COL27A1: variants seen among roughly 807,000 people sequenced by gnomAD.
COL27A1 encodes collagen type XXVII alpha 1 chain.
In COL27A1, 106 loss-of-function variants were observed where a neutral mutation model predicts 251.3. The ratio of observed to expected loss-of-function variants is 0.42; its 90% CI spans 0.36 to 0.50. The LOEUF is 0.50. Ranked by LOEUF, COL27A1 falls within the 20% of genes least tolerant of loss-of-function variation. The pLI is 0.00. For synonymous variants in COL27A1, 1,000 were observed against 986.3 expected (o/e 1.01, Z -0.26); for missense variants, 2,325 against 2,522.8 (o/e 0.92, Z 1.68).
intron 5 of COL27A1, among the ~76,000 whole-genome samples, chr9:114,183,862 A>C (rs1828132065): frequency 6.6e-6 from 1 of 152,134 alleles, no homozygotes; most frequent in African/African-American, 2.4e-5. Context: ...ATGAGACCTT[A>C]GTGGCTGATG....
chr9:114,228,535 C>A (rs948338096), intron 14 of COL27A1, among the ~76,000 whole-genome samples: 2 of 152,210 alleles, frequency 1.3e-5, no homozygotes, highest in Admixed American at 6.5e-5. Flanking sequence ...CTCAGAATGG[C>A]CTAGAAGCTC....
chr9:114,256,846 C>G (rs1163075007), intron 27 of COL27A1, among the ~76,000 whole-genome samples: 1 of 152,226 alleles, frequency 6.6e-6, no homozygotes, highest in South Asian at 2.1e-4. Context: ...TTTCAGCACT[C>G]TATGCCTTGA....
At chr9:114,173,902 G>T (rs1849506434) in intron 3 of COL27A1, among the ~76,000 whole-genome samples, 1 of 152,002 alleles carries the variant, frequency 6.6e-6, no homozygotes, top group South Asian at 2.1e-4. Context: ...GTGGAGCAGG[G>T]ACAGCAGGGA....
intron 59 of COL27A1, among the ~76,000 whole-genome samples, chr9:114,308,126 C>G (rs1017211340): frequency 6.6e-5 from 10 of 152,242 alleles, no homozygotes; most frequent in African/African-American, 1.9e-4. Context: ...TGATGCTCAT[C>G]TGAAGCATGT....
intron 49 of COL27A1, among the ~76,000 whole-genome samples, chr9:114,298,134 T>TAA (rs35546102): frequency 1.4e-5 from 2 of 141,106 alleles, no homozygotes; most frequent in South Asian, 2.2e-4. Flanking sequence ...GACCCCATCT[T>TAA]AAAAAAAAAA....
At chr9:114,276,639 A>T (rs1835527684) in intron 37 of COL27A1, among the ~76,000 whole-genome samples, 1 of 152,224 alleles carries the variant, frequency 6.6e-6, no homozygotes, top group Non-Finnish European at 1.5e-5. Flanking sequence ...CAACAAAACC[A>T]GTACCTGACA....
Position 114,155,877 on chromosome 9 carries a change from C to CG in COL27A1, c.-68dup. 4 of 1,090,388 alleles carry CG rather than the reference C, an allele frequency of 3.7e-6. No homozygotes were observed. Among genetic ancestry groups the CG allele is most frequent in the African/African-American group, 1.7e-5 (1 of 59,556 alleles). 67.5% of individuals were successfully genotyped at this position (1,090,388 alleles called of 1,614,324 possible). ...TCTAAGCCGGCCTGGCGCGGCGGGGCGGGGGGCTGGCGGCCCCATGGGGCG... is the reference window on the plus strand; with the variant it reads ...TCTAAGCCGGCCTGGCGCGGCGGGGCGGGGGGGCTGGCGGCCCCATGGGGCG... On this transcript the variant is annotated 5_prime_UTR_variant, in exon 1 of 61. Transcript: ENST00000356083. This position sits in a 1 kb window ranked among gnomAD's most constrained non-coding sequence, Gnocchi z 5.5.
intron 45 of COL27A1, among the ~76,000 whole-genome samples, chr9:114,289,505 A>T (rs1163890244): frequency 6.6e-6 from 1 of 152,130 alleles, no homozygotes; most frequent in Non-Finnish European, 1.5e-5. Flanking sequence ...GCCCCATTTC[A>T]CTGGGGCTCC....
At chr9:114,159,324 A>C (rs1272324923) in intron 1 of COL27A1, among the ~76,000 whole-genome samples, 1 of 152,124 alleles carries the variant, frequency 6.6e-6, no homozygotes, top group Non-Finnish European at 1.5e-5. Context: ...TAGCCAGGGA[A>C]ACTGACCGAG....
chr9:114,165,649 T>TATCCATCCATCC (rs58004565), intron 2 of COL27A1, among the ~76,000 whole-genome samples: 26 of 136,572 alleles, frequency 1.9e-4, no homozygotes, highest in African/African-American at 6.6e-4. Context: ...TCCATCCATT[T>TATCCATCCATCC]ATCCATCCAT....
Position 114,195,711 on chromosome 9 carries a change from G to A in COL27A1, c.2071-248G>A, listed in dbSNP as rs369657707. 5.7e-4 allele frequency among the ~76,000 whole-genome samples: 87 copies of A among 152,340 alleles called. 1 individual carries two copies. In the South Asian group the frequency reaches 0.014, roughly 25 times the overall value. ...TATCGGAACCCATTCTTCAAGTGGT[G>A]TCTTCTGCTGAAGCCCAGTATGTAA... On this transcript the variant is annotated intron_variant, in intron 6 of 60. Transcript: ENST00000356083.
chr9:114,205,475 C>G lies in COL27A1; in HGVS notation c.2170-284C>G, dbSNP rs1431706995. On this transcript the variant is annotated intron_variant, in intron 8 of 60. Coordinates refer to ENST00000356083, the MANE Select transcript of COL27A1 (RefSeq NM_032888.4). Reference sequence around the variant, plus strand: ...CGGGGTTTGCAGGAATTTTGGCCAGCCTGGCCCAAGTGAAACAGCAGCCCT... The same window carrying G: ...CGGGGTTTGCAGGAATTTTGGCCAGGCTGGCCCAAGTGAAACAGCAGCCCT... Among the ~76,000 whole-genome samples the G allele has an allele frequency of 4.6e-5, 7 of 152,232 alleles. No individual in the cohort carries two copies. In the East Asian group the frequency reaches 1.4e-3, roughly 29 times the overall value.
At chr9:114,180,774 C>T (rs1827841734) in intron 4 of COL27A1, among the ~76,000 whole-genome samples, 1 of 152,168 alleles carries the variant, frequency 6.6e-6, no homozygotes, top group South Asian at 2.1e-4. Flanking sequence ...TAGAATTGGT[C>T]TGCTTGGCTT....
At chr9:114,308,653 C>T (rs1332519697) in intron 59 of COL27A1, among the ~76,000 whole-genome samples, 1 of 152,230 alleles carries the variant, frequency 6.6e-6, no homozygotes, top group African/African-American at 2.4e-5. Context: ...ACGCAGCAAA[C>T]CTGCCTAGCA....
chr9:114,312,006 TAATG>T lies in COL27A1; in HGVS notation c.*1312_*1315del, dbSNP rs1829479067. On this transcript the variant is annotated 3_prime_UTR_variant, in exon 61 of 61. Transcript: ENST00000356083. ...AATTTGGGTCAAGGAGACAGAATAATAATGGGAATCTCGGAGTTCGACACCATAG... is the reference window on the plus strand; with the variant it reads ...AATTTGGGTCAAGGAGACAGAATAATGGAATCTCGGAGTTCGACACCATAG... 1 of 152,226 alleles carries T rather than the reference TAATG, an allele frequency of 6.6e-6. No individual in the cohort carries two copies. Among genetic ancestry groups the T allele is most frequent in the Admixed American group, 6.5e-5 (1 of 15,288 alleles). 9.4% of individuals were successfully genotyped at this position (152,226 alleles called of 1,614,324 possible). A position where few individuals can be genotyped will look rare whatever the true frequency, so the allele number is the denominator to read the frequency against.
chr9:114,286,061 G>C lies in COL27A1; in HGVS notation c.3987+1284G>C, dbSNP rs558592360. On this transcript the variant is annotated intron_variant, in intron 41 of 60. Coordinates refer to ENST00000356083, the MANE Select transcript of COL27A1 (RefSeq NM_032888.4). ...TCACTTAGAAGGCATTATTAGATTC[G>C]TTCATTCCTCCAGCTCTCCAACAGG... Among the ~76,000 whole-genome samples the C allele has an allele frequency of 5.9e-5, 9 of 152,288 alleles. 1 individual carries two copies. The South Asian group carries it at 1.7e-3, about 28-fold the overall frequency.
At chr9:114,163,765 A>G (rs989218632) in intron 2 of COL27A1, among the ~76,000 whole-genome samples, 3 of 151,720 alleles carry the variant, frequency 2.0e-5, no homozygotes, top group African/African-American at 4.8e-5. Context: ...CTGCCCAGCA[A>G]CATTTTGTGC....
chr9:114,266,301 C>G (rs1189187155), intron 32 of COL27A1, among the ~76,000 whole-genome samples: 1 of 152,064 alleles, frequency 6.6e-6, no homozygotes, highest in Non-Finnish European at 1.5e-5. Flanking sequence ...GACTCAAGAG[C>G]TAGGAGGTTT....
rs74390423 is a variant in COL27A1 at position 114,200,942 on chromosome 9, G to A, written c.2125-4160G>A. ...GGAGGTGGAGCCTCGGTGGACAGCC[G>A]ATGTCTGAGTACATATGGGTCCCTA... is the stretch of plus-strand genomic sequence containing the variant. On this transcript the variant is annotated intron_variant, in intron 7 of 60. Transcript: ENST00000356083. Among the ~76,000 whole-genome samples, 548 of 152,112 alleles carry A rather than the reference G, an allele frequency of 3.6e-3. 1 individual carries two copies. Among genetic ancestry groups the A allele is most frequent in the Middle Eastern group, 0.01 (3 of 294 alleles).
Sources: allele counts gnomAD v4.1 joint callset (sites outside exome capture counted in the v4.1 genomes callset), GRCh38; gene constraint gnomAD v4.1.1; non-coding constraint Gnocchi (gnomAD v3.1); transcripts MANE v1.5; gene names NCBI Gene and HGNC (gene_info 2026-07-23, HGNC 2026-07-21).